RARB: variants seen among roughly 807,000 people sequenced by gnomAD.
The protein encoded by RARB is retinoic acid receptor beta.
A neutral mutation model predicts 51.9 loss-of-function variants in RARB; 17 were observed. The ratio of observed to expected loss-of-function variants is 0.33; its 90% confidence interval spans 0.22 to 0.49. The LOEUF (loss-of-function observed/expected upper bound fraction) is 0.49. Among genes scored for constraint, RARB ranks in the 20% least tolerant of loss-of-function variants. The pLI is 0.99. For synonymous variants in RARB, 215 were observed against 195.4 expected, an observed-to-expected ratio of 1.10 and a Z score of -0.84; for missense variants, 369 against 550.8, an observed-to-expected ratio of 0.67 and a Z score of 3.30.
intron 5 of RARB, among the ~76,000 whole-genome samples, chr3:25,188,207 G>A (rs867397054): frequency 6.6e-6 from 1 of 152,012 alleles, no homozygotes; most frequent in Non-Finnish European, 1.5e-5. Context: ...AATCATCCCT[G>A]ATGTTTTATT....
chr3:25,099,758 A>G (rs967207692), intron 3 of RARB, among the ~76,000 whole-genome samples: 1 of 151,816 alleles, frequency 6.6e-6, no homozygotes, highest in Non-Finnish European at 1.5e-5. Flanking sequence ...CGGTTTTCCG[A>G]GTCTCGGCAA....
Position 24,911,272 on chromosome 3 carries a change from C to T in RARB, c.-380+52520C>T, listed in dbSNP as rs138829740. ...TCTTAAGAAATGAACACACAGACCT[C>T]CCAACAAGTGACATTGACAGGATTG... On this transcript the variant is annotated intron_variant, in intron 2 of 11. Transcript: ENST00000383772. 4.6e-5 allele frequency among the ~76,000 whole-genome samples: 7 copies of T among 152,234 alleles called. No homozygotes were observed. The East Asian group carries it at 1.4e-3, about 29-fold the overall frequency.
At chr3:24,996,821 G>A (rs1007479757) in intron 2 of RARB, among the ~76,000 whole-genome samples, 5 of 151,902 alleles carry the variant, frequency 3.3e-5, no homozygotes, top group African/African-American at 9.7e-5. Flanking sequence ...ATAAGATACT[G>A]GATGTTATTT....
At chr3:24,925,277 T>C (rs10510553) in intron 2 of RARB, among the ~76,000 whole-genome samples, 21,842 of 151,930 alleles carry the variant, frequency 0.14, 2,626 homozygotes, top group African/African-American at 0.32. Context: ...CCAGAAAATA[T>C]GACAAACTCC....
intron 5 of RARB, among the ~76,000 whole-genome samples, chr3:25,209,635 G>A (rs1163837495): frequency 6.6e-6 from 1 of 152,186 alleles, no homozygotes; most frequent in East Asian, 1.9e-4. Flanking sequence ...GCTTCTGCTG[G>A]GTGCAACATG....
chr3:25,306,333 C>A (rs748533122), intron 5 of RARB, among the ~76,000 whole-genome samples: 1 of 151,950 alleles, frequency 6.6e-6, no homozygotes, highest in Non-Finnish European at 1.5e-5. Context: ...TGGTTCAATC[C>A]GATAATGTGA....
intron 5 of RARB, among the ~76,000 whole-genome samples, chr3:25,196,189 T>A (rs1701230468): frequency 6.6e-6 from 1 of 152,032 alleles, no homozygotes; most frequent in African/African-American, 2.4e-5. Flanking sequence ...TCATGTACAT[T>A]AGGTATTACT....
chr3:25,584,210 G>C (rs1162900345), intron 5 of RARB, among the ~76,000 whole-genome samples: 1 of 151,960 alleles, frequency 6.6e-6, no homozygotes, highest in Non-Finnish European at 1.5e-5. Flanking sequence ...ATGACCTACT[G>C]TGTGCCGCGC....
chr3:25,445,349 A>C (rs941715774), intron 1 of RARB, among the ~76,000 whole-genome samples: 3 of 152,202 alleles, frequency 2.0e-5, no homozygotes, highest in African/African-American at 7.2e-5. Flanking sequence ...GTCAGTAGAC[A>C]GTTATTTCAT....
intron 3 of RARB, among the ~76,000 whole-genome samples, chr3:25,524,710 T>A (rs951587084): frequency 1.3e-5 from 2 of 148,920 alleles, no homozygotes; most frequent in African/African-American, 2.5e-5. Context: ...TTTCCTCCCA[T>A]GTTTTTATTT....
chr3:24,916,968 A>G (rs13091209), intron 2 of RARB, among the ~76,000 whole-genome samples: 18,497 of 152,194 alleles, frequency 0.12, 1,340 homozygotes, highest in Non-Finnish European at 0.17. Flanking sequence ...GTACACATTC[A>G]ATTATTCCAT....
chr3:25,348,379 T>A (rs554622939), intron 5 of RARB, among the ~76,000 whole-genome samples: 248 of 136,944 alleles, frequency 1.8e-3, no homozygotes, highest in African/African-American at 6.5e-3. Flanking sequence ...GGGAGCAATG[T>A]GGTGGTGTGA....
At chr3:25,412,941 C>A (rs1575382324) in intron 5 of RARB, among the ~76,000 whole-genome samples, 1 of 152,070 alleles carries the variant, frequency 6.6e-6, no homozygotes, top group East Asian at 1.9e-4. Flanking sequence ...ATCACTTGAA[C>A]CCGGGAGGCG....
intron 2 of RARB, among the ~76,000 whole-genome samples, chr3:24,906,932 ATTG>A (rs930204167): frequency 4.6e-5 from 7 of 151,732 alleles, no homozygotes; most frequent in African/African-American, 1.5e-4. Flanking sequence ...AATATTCAGT[ATTG>A]TTGTTGGATC....
intron 3 of RARB, among the ~76,000 whole-genome samples, chr3:25,567,203 C>T (rs761255720): frequency 2.0e-5 from 3 of 152,188 alleles, no homozygotes; most frequent in Non-Finnish European, 4.4e-5. Flanking sequence ...TTCAGCGGTG[C>T]GTAGTGGATC....
rs776869343 is a variant in RARB at position 25,461,355 on chromosome 3, C to G, written c.306+14C>G. On this transcript the variant is annotated intron_variant, in intron 2 of 7. Coordinates refer to ENST00000330688, the MANE Select transcript of RARB (RefSeq NM_000965.5). ...GAGGGATGTAAGGTGAGTATTCACA[C>G]TTCTGTGCCTGATGAACTCTCATTC... is the stretch of plus-strand genomic sequence containing the variant. 31 of 1,610,846 alleles carry G rather than the reference C, an allele frequency of 1.9e-5. No individual in the cohort carries two copies. The highest frequency in any genetic ancestry group is 2.5e-5 in the Non-Finnish European group (29 of 1,178,794).
chr3:24,917,463 A>C (rs1695130028), intron 2 of RARB, among the ~76,000 whole-genome samples: 1 of 152,254 alleles, frequency 6.6e-6, no homozygotes, highest in Admixed American at 6.5e-5. Flanking sequence ...GGACAACTTA[A>C]TTAGGTATGG....
intron 5 of RARB, among the ~76,000 whole-genome samples, chr3:25,176,375 TTCCTTCCTTCC>T (rs1276842122): frequency 3.6e-4 from 47 of 131,616 alleles, no homozygotes; most frequent in African/African-American, 1.1e-3. Flanking sequence ...CCTTCCTTCC[TTCCTTCCTTCC>T]TTATTTATTT....
At chr3:25,389,899 G>A (rs1706901421) in intron 5 of RARB, among the ~76,000 whole-genome samples, 1 of 152,136 alleles carries the variant, frequency 6.6e-6, no homozygotes, top group African/African-American at 2.4e-5. Context: ...TTGAACAAAA[G>A]TCAACCAAAT....
Sources: allele counts gnomAD v4.1 joint callset (sites outside exome capture counted in the v4.1 genomes callset), GRCh38; gene constraint gnomAD v4.1.1; transcripts MANE v1.5; gene names NCBI Gene and HGNC (gene_info 2026-07-23, HGNC 2026-07-21).